Variants in PRRC2A observed in about 807,000 individuals in gnomAD.
PRRC2A encodes the protein proline rich coiled-coil 2A.
PRRC2A carries 59 observed loss-of-function variants against 224.6 expected under a neutral mutation model. The ratio of observed to expected loss-of-function variants is 0.26; its 90% CI spans 0.21 to 0.33. PRRC2A has a LOEUF of 0.33. Ranked by LOEUF, PRRC2A falls within the 10% of genes least tolerant of loss-of-function variation. The pLI is 1.00. For missense variants in PRRC2A, 3,095 were observed against 2,880.7 expected, an observed-to-expected ratio of 1.07 and a Z score of -1.70; for synonymous variants, 1,194 against 1,109.5, an observed-to-expected ratio of 1.08 and a Z score of -1.51.
chr6:31,631,555 TAGA>T lies in PRRC2A; in HGVS notation c.2886_2888del (p.Glu963del), dbSNP rs1337005398. The T allele has an allele frequency of 8.8e-6, 14 of 1,592,172 alleles. No individual in the cohort carries two copies. The highest frequency in any genetic ancestry group is 1.2e-5 in the Non-Finnish European group (14 of 1,172,760). On this transcript the variant is annotated inframe_deletion, in exon 16 of 31. Coordinates refer to ENST00000376033, the MANE Select transcript of PRRC2A (RefSeq NM_004638.4). The surrounding 1 kb of genome is among the most constrained non-coding windows in gnomAD (Gnocchi z 4.5). ...AAGAAACCTCCACCACCTACAAAAG[TAGA>T]AGAGCTGCCTCCCAAGCCCCTCGAA...
rs772869781 is a variant in PRRC2A, at chr6:31,629,650, C to G, written c.2059C>G (p.Leu687Val). Residue 687 changes from leucine to valine, a missense_variant, in exon 14 of 31, where the codon CTG becomes GTG. This residue lies in a region of PRRC2A where 2,001 missense variants were observed against 1,764.9 expected (regional missense o/e 1.13). Transcript: ENST00000376033. Reference protein sequence around the residue: ...VPPSPPQPVTLGAVPAPQAPP... With the variant: ...VPPSPPQPVTVGAVPAPQAPP... ...CCCATCACCACCACAGCCTGTGACC[C>G]TGGGGGCTGTGCCAGCTCCACAGGC... is the stretch of plus-strand genomic sequence containing the variant. The G allele has an allele frequency of 6.2e-7, 1 of 1,611,818 alleles. No individual in the cohort carries two copies. The highest frequency in any genetic ancestry group is 2.2e-5 in the East Asian group (1 of 44,856).
At position 31,625,951 on chromosome 6, in the gene PRRC2A, C is replaced by T; in HGVS notation, c.840-69C>T. On this transcript the variant is annotated intron_variant, in intron 8 of 30. Coordinates refer to ENST00000376033, the MANE Select transcript of PRRC2A (RefSeq NM_004638.4). This position sits in a 1 kb window ranked among gnomAD's most constrained non-coding sequence, Gnocchi z 4.1. ...AGGAGATGGTTTTCTAGCCAGGAGG[C>T]TCAGTCTAGGATCAGTCTCGCATGT... is the stretch of plus-strand genomic sequence containing the variant. 1.3e-6 allele frequency: 2 copies of T among 1,593,746 alleles called. No individual in the cohort carries two copies. The highest frequency in any genetic ancestry group is 1.7e-6 in the Non-Finnish European group (2 of 1,166,608).
In PRRC2A at chr6:31,635,217, C is replaced by T. The variant is rs541965845; in HGVS notation, c.5246C>T (p.Pro1749Leu). 29 of 1,614,210 alleles carry T rather than the reference C, an allele frequency of 1.8e-5. No homozygotes were observed. Among genetic ancestry groups the T allele is most frequent in the African/African-American group, 8.0e-5 (6 of 75,070 alleles). The change falls in exon 22 of 31, where the codon CCC becomes CTC. Residue 1749 changes from proline (P) to leucine (L), a missense_variant. Pro to Leu is a moderately conservative substitution (Grantham distance 98, BLOSUM62 -3). This residue lies in a region of PRRC2A where 662 missense variants were observed against 609.5 expected (regional missense o/e 1.09). Transcript: ENST00000376033. ...ACAGACCGAGGCACAGAGCCTGGCCCCATTCGGCCATCCCATCGACCTGGT... is the reference window on the plus strand; with the variant it reads ...ACAGACCGAGGCACAGAGCCTGGCCTCATTCGGCCATCCCATCGACCTGGT... ...QRTDRGTEPG[P>L]IRPSHRPGPP...
Position 31,634,317 on chromosome 6 carries a change from A to G in PRRC2A, c.4801A>G (p.Thr1601Ala). 1.2e-6 allele frequency: 2 copies of G among 1,612,904 alleles called. No individual in the cohort carries two copies. Among genetic ancestry groups the G allele is most frequent in the Middle Eastern group, 1.6e-4 (1 of 6,062 alleles). The change falls in exon 19 of 31, where the codon ACA (threonine) becomes GCA (alanine). Residue 1601 changes from threonine to alanine, a missense_variant. Coordinates refer to ENST00000376033, the MANE Select transcript of PRRC2A (RefSeq NM_004638.4). ...AGGCCCTCAGGCAGAGTCCAGAGAT[A>G]CAGGCACAGAGGCCCTGACCCCTCA... ...GPGPQAESRD[T>A]GTEALTPHIW...
rs775584035 is a variant in PRRC2A at position 31,636,455 on chromosome 6, G to A, written c.5835+36G>A. Reference sequence around the variant, plus strand: ...GGCAGGTATTAGATATTGGGGGATAGGGTAGGGAGAATGATTTTGTGGGGG... The same window carrying A: ...GGCAGGTATTAGATATTGGGGGATAAGGTAGGGAGAATGATTTTGTGGGGG... On this transcript the variant is annotated intron_variant, in intron 26 of 30. Coordinates refer to ENST00000376033, the MANE Select transcript of PRRC2A (RefSeq NM_004638.4). The surrounding 1 kb of genome is among the most constrained non-coding windows in gnomAD (Gnocchi z 4.3). The A allele has an allele frequency of 1.9e-6, 3 of 1,610,718 alleles. No homozygotes were observed. Among genetic ancestry groups the A allele is most frequent in the South Asian group, 1.1e-5 (1 of 91,062 alleles).
chr6:31,635,778 C>T (rs768766192), intron 24 of PRRC2A, 29 bp downstream of exon 24: 4 of 1,551,906 alleles, frequency 2.6e-6, no homozygotes, highest in African/African-American at 2.8e-5. Context: ...TGCATGACCC[C>T]TTCAGTGAAT....
chr6:31,624,390 A>C, intron 4 of PRRC2A, 30 bp downstream of exon 4: 1 of 1,609,798 alleles, frequency 6.2e-7, no homozygotes, highest in Non-Finnish European at 8.5e-7. Flanking sequence ...GGTGGGGAGG[A>C]AGAATGGTTC....
rs755087443 is a variant in PRRC2A, at chr6:31,627,047, C to G, written c.1139C>G (p.Ser380Cys). 3 of 1,614,166 alleles carry G rather than the reference C, an allele frequency of 1.9e-6. No homozygotes were observed. The highest frequency in any genetic ancestry group is 2.2e-5 in the East Asian group (1 of 44,882). ...GAAGCAGATGGCAAAAAGGGCAACT[C>G]CCCCAACAGCGAACCGCCCACTCCT... ...PPEADGKKGN[S>C]PNSEPPTPKT... Residue 380 changes from serine to cysteine, a missense_variant, in exon 11 of 31, where the codon TCC (serine) becomes TGC (cysteine). Ser to Cys is a moderately radical substitution (Grantham distance 112). Transcript: ENST00000376033. This position sits in a 1 kb window ranked among gnomAD's most constrained non-coding sequence, Gnocchi z 5.6.
chr6:31,629,716 G>A lies in PRRC2A; in HGVS notation c.2125G>A (p.Gly709Ser), dbSNP rs369517960. 244 of 1,605,760 alleles carry A rather than the reference G, an allele frequency of 1.5e-4. No homozygotes were observed. The highest frequency in any genetic ancestry group is 2.0e-4 in the Non-Finnish European group (233 of 1,174,962). ...PPKALYPGAL[G>S]RPPPMPPMNF... ...CAAGGCCCTGTACCCAGGTGCTCTG[G>A]GCCGGCCCCCACCCATGCCCCCAAT... The change falls in exon 14 of 31, where the codon GGC becomes AGC. Residue 709 changes from glycine to serine, a missense_variant. Physicochemically the swap from Gly to Ser is moderately conservative, Grantham distance 56. This residue lies in a region of PRRC2A where 2,001 missense variants were observed against 1,764.9 expected (regional missense o/e 1.13). Transcript: ENST00000376033.
At position 31,635,041 on chromosome 6, in the gene PRRC2A, C is replaced by G. The variant is rs543293268; in HGVS notation, c.5160+64C>G. On this transcript the variant is annotated intron_variant, in intron 21 of 30. Coordinates refer to ENST00000376033, the MANE Select transcript of PRRC2A (RefSeq NM_004638.4). ...AATCTGACTTTGGCCCTACCTTTTTCTGCTTTTTCTCTCTGCGTGTGTGTT... is the reference window on the plus strand; with the variant it reads ...AATCTGACTTTGGCCCTACCTTTTTGTGCTTTTTCTCTCTGCGTGTGTGTT... The G allele has an allele frequency of 2.4e-4, 378 of 1,597,772 alleles. 2 individuals carry two copies. The East Asian group carries it at 8.0e-3, about 34-fold the overall frequency.
intron 18 of PRRC2A, 33 bp downstream of exon 18, chr6:31,634,022 C>G (rs772330105): frequency 6.3e-7 from 1 of 1,591,556 alleles, no homozygotes; most frequent in East Asian, 2.2e-5. Flanking sequence ...TGCTTCACTG[C>G]ACTCTTACTC....
chr6:31,627,935 T>C lies in PRRC2A; in HGVS notation c.1461T>C (p.Ala487=). 1.9e-6 allele frequency: 3 copies of C among 1,613,024 alleles called. No individual in the cohort carries two copies. The highest frequency in any genetic ancestry group is 2.5e-6 in the Non-Finnish European group (3 of 1,180,022). Residue 487 remains alanine, a synonymous_variant, in exon 12 of 31, where the codon GCT becomes GCC. Transcript: ENST00000376033. The surrounding 1 kb of genome is among the most constrained non-coding windows in gnomAD (Gnocchi z 5.6). ...RMQEERRAAC[A]EKLKRLDEKF... is the part of the protein sequence containing the mutation. ...AAGAAGAGCGCCGGGCAGCCTGTGCTGAGAAGCTCAAGCGACTCGATGAAA... is the reference window on the plus strand; with the variant it reads ...AAGAAGAGCGCCGGGCAGCCTGTGCCGAGAAGCTCAAGCGACTCGATGAAA...
Position 31,633,607 on chromosome 6 carries a change from C to G in PRRC2A, c.4548C>G (p.Thr1516=), listed in dbSNP as rs1776945670. 8 of 1,612,812 alleles carry G rather than the reference C, an allele frequency of 5.0e-6. No individual in the cohort carries two copies. In the East Asian group the frequency reaches 1.8e-4, roughly 36 times the overall value. ...APQGPSPRPP[T]RYEPQRVNSG... is the part of the protein sequence containing the mutation. ...AGGGCCCCTCTCCTAGGCCCCCAAC[C>G]CGATACGAGCCCCAGAGGGTCAACA... The change falls in exon 17 of 31, where the codon ACC becomes ACG. Residue 1516 remains threonine, a synonymous_variant. Coordinates refer to ENST00000376033, the MANE Select transcript of PRRC2A (RefSeq NM_004638.4).
Position 31,625,624 on chromosome 6 carries a change from G to A in PRRC2A, c.759+13G>A, listed in dbSNP as rs748468116. ...GATGCCGCCTTTCGTGAGTCTTGGT[G>A]TCTTGTCTTGGAACGATTACACTGG... On this transcript the variant is annotated intron_variant, in intron 7 of 30. Transcript: ENST00000376033. The surrounding 1 kb of genome is among the most constrained non-coding windows in gnomAD (Gnocchi z 4.1). 10 of 1,594,116 alleles carry A rather than the reference G, an allele frequency of 6.3e-6. No homozygotes were observed. The highest frequency in any genetic ancestry group is 8.6e-6 in the Non-Finnish European group (10 of 1,168,900).
In PRRC2A at chr6:31,630,186, G is replaced by A. The variant is rs947722252; in HGVS notation, c.2254+341G>A. On this transcript the variant is annotated intron_variant, in intron 14 of 30. Transcript: ENST00000376033. Reference sequence around the variant, plus strand: ...ACAAAAAAGTAGCCGGCGTGGTGGCGCTCGCCTGTAGTCCCAGCTACTCGG... The same window carrying A: ...ACAAAAAAGTAGCCGGCGTGGTGGCACTCGCCTGTAGTCCCAGCTACTCGG... 3.9e-5 allele frequency among the ~76,000 whole-genome samples: 6 copies of A among 152,138 alleles called. No individual in the cohort carries two copies. In the East Asian group the frequency reaches 9.6e-4, roughly 24 times the overall value.
In PRRC2A at chr6:31,632,755, C is replaced by T; in HGVS notation, c.4082C>T (p.Ala1361Val). The T allele has an allele frequency of 6.2e-7, 1 of 1,613,082 alleles. No homozygotes were observed. Residue 1361 changes from alanine to valine, a missense_variant, in exon 16 of 31, where the codon GCC becomes GTC. Physicochemically the swap from Ala to Val is moderately conservative, Grantham distance 64 (BLOSUM62 0). Transcript: ENST00000376033. ...ACTCCTGGGGGAGGTGGAGGTGGAG[C>T]CGTACCAGGTATTTCAGCCATGTCC... Reference protein sequence around the residue: ...VGTPGGGGGGAVPGISAMSRG... With the variant: ...VGTPGGGGGGVVPGISAMSRG...
At position 31,628,756 on chromosome 6, in the gene PRRC2A, G is replaced by A. The variant is rs2736167; in HGVS notation, c.1766-388G>A. 21 of 228,580 alleles carry A rather than the reference G, an allele frequency of 9.2e-5. 1 individual carries two copies. Among genetic ancestry groups the A allele is most frequent in the African/African-American group, 4.1e-4 (18 of 43,390 alleles). The allele number at this position is 228,580 out of a possible 1,614,324, so 14.2% of individuals were successfully genotyped here. On this transcript the variant is annotated intron_variant, in intron 12 of 30. Transcript: ENST00000376033. ...CTTGGGAGGCTGAGGTAGTAGAATCGCTTTAACCCGGGAGGCAGAGATTTC... is the reference window on the plus strand; with the variant it reads ...CTTGGGAGGCTGAGGTAGTAGAATCACTTTAACCCGGGAGGCAGAGATTTC...
rs769197744 is a variant in PRRC2A, at chr6:31,622,864, G to A, written c.75G>A (p.Thr25=). The change falls in exon 2 of 31, where the codon ACG becomes ACA. Residue 25 remains threonine (T), a synonymous_variant. Coordinates refer to ENST00000376033, the MANE Select transcript of PRRC2A (RefSeq NM_004638.4). ...KKYSSLNLFD[T]YKGKSLEIQK... is the part of the protein sequence containing the mutation. The stretch of plus-strand genomic sequence containing the variant: ...ATTCCTCGCTCAACCTGTTTGATAC[G>A]TATAAGGGCAAGTCCTTAGAGATCC... 37 of 1,613,990 alleles carry A rather than the reference G, an allele frequency of 2.3e-5. No homozygotes were observed. Among genetic ancestry groups the A allele is most frequent in the South Asian group, 1.6e-4 (15 of 91,078 alleles).
In PRRC2A at chr6:31,628,159, G is replaced by A; in HGVS notation, c.1685G>A (p.Gly562Asp). 1 of 1,613,086 alleles carries A rather than the reference G, an allele frequency of 6.2e-7. No homozygotes were observed. The highest frequency in any genetic ancestry group is 8.5e-7 in the Non-Finnish European group (1 of 1,180,032). Residue 562 changes from glycine (G) to aspartate (D), a missense_variant, in exon 12 of 31, where the codon GGT becomes GAT. Physicochemically the swap from Gly to Asp is moderately conservative, Grantham distance 94. Transcript: ENST00000376033. ...APPAQSTPTPGVAAAPTLVSG... is the reference protein window; with the variant it reads ...APPAQSTPTPDVAAAPTLVSG... ...CCTGCCCAATCTACTCCTACTCCAG[G>A]TGTGGCTGCGGCTCCCACTCTGGTG...
Sources: gnomAD v4.1 joint callset for allele counts (sites outside exome capture counted in the v4.1 genomes callset) on GRCh38, gnomAD v4.1.1 for gene constraint, gnomAD v4.1.1 regional missense constraint, Gnocchi (gnomAD v3.1) non-coding constraint, MANE v1.5 for transcripts, NCBI Gene and HGNC (gene_info 2026-07-23, HGNC 2026-07-21) for gene names.